The following SPATC1 variants were observed in gnomAD, a reference collection of about 807,000 sequenced individuals.
SPATC1 encodes speriolin.
In SPATC1, 35 loss-of-function variants were observed where a neutral mutation model predicts 36.5. That is an observed-to-expected ratio of 0.96 (90% CI 0.73 to 1.27). The LOEUF (loss-of-function observed/expected upper bound fraction) is 1.27. SPATC1 is among the 50% of genes most tolerant of loss of function. The pLI is 0.00. For synonymous variants in SPATC1, 361 were observed against 353.6 expected, an observed-to-expected ratio of 1.02 and a Z score of -0.24; for missense variants, 779 against 796.0, an observed-to-expected ratio of 0.98 and a Z score of 0.26.
At chr8:144,033,760 G>C (rs1834844084) in intron 1 of SPATC1, among the ~76,000 whole-genome samples, 1 of 152,196 alleles carries the variant, frequency 6.6e-6, no homozygotes, top group Admixed American at 6.5e-5. Flanking sequence ...TGTCTCCAGA[G>C]CCTCATGTGG....
At chr8:144,037,188 G>C (rs1403519246) in intron 1 of SPATC1, among the ~76,000 whole-genome samples, 16 of 141,404 alleles carry the variant, frequency 1.1e-4, no homozygotes, top group African/African-American at 4.2e-4. Flanking sequence ...CGTCCGGGAG[G>C]GAGGTGGGGG....
In SPATC1 at chr8:144,040,888, C is replaced by T; in HGVS notation, c.1087C>T (p.His363Tyr). ...CACCCACATCGCCCAGGGTGCCCCCCATCCCCCTTCCCGAATGCATAATTC... is the reference window on the plus strand; with the variant it reads ...CACCCACATCGCCCAGGGTGCCCCCTATCCCCCTTCCCGAATGCATAATTC... ...STTHIAQGAP[H>Y]PPSRMHNSPT... The change falls in exon 3 of 5, where the codon CAT (histidine) becomes TAT (tyrosine). Residue 363 changes from histidine (H) to tyrosine (Y), a missense_variant. His to Tyr is a moderately conservative substitution (Grantham distance 83). Coordinates refer to ENST00000377470, the MANE Select transcript of SPATC1 (RefSeq NM_198572.3). 1 of 1,589,438 alleles carries T rather than the reference C, an allele frequency of 6.3e-7. No homozygotes were observed. The highest frequency in any genetic ancestry group is 8.6e-7 in the Non-Finnish European group (1 of 1,166,262).
chr8:144,037,935 C>T (rs1219974219), intron 1 of SPATC1, among the ~76,000 whole-genome samples: 24 of 151,892 alleles, frequency 1.6e-4, no homozygotes, highest in African/African-American at 5.6e-4. Flanking sequence ...CAAGACCATC[C>T]TGGCTAACAC....
intron 1 of SPATC1, among the ~76,000 whole-genome samples, chr8:144,018,256 T>C (rs929345383): frequency 4.6e-5 from 7 of 152,306 alleles, no homozygotes; most frequent in Non-Finnish European, 7.4e-5. Context: ...ATTCATGACA[T>C]TGGCATTCGT....
At chr8:144,042,514 G>T (rs1382498141) in intron 4 of SPATC1, among the ~76,000 whole-genome samples, 1 of 151,256 alleles carries the variant, frequency 6.6e-6, no homozygotes, top group African/African-American at 2.4e-5. Flanking sequence ...TAGAGACGGG[G>T]TTTCTCCATG....
intron 1 of SPATC1, among the ~76,000 whole-genome samples, chr8:144,028,515 A>G (rs1183868600): frequency 6.6e-6 from 1 of 152,212 alleles, no homozygotes; most frequent in Non-Finnish European, 1.5e-5. Context: ...ACCATCTCAC[A>G]CCAGTCACAA....
chr8:144,039,469 G>A (rs1166688945), intron 1 of SPATC1, among the ~76,000 whole-genome samples: 2 of 152,220 alleles, frequency 1.3e-5, no homozygotes, highest in Non-Finnish European at 2.9e-5. Flanking sequence ...CAGGAGGCCT[G>A]GGCCCTCTTC....
At position 144,046,217 on chromosome 8, in the gene SPATC1, A is replaced by C. The variant is rs1233341351; in HGVS notation, c.1447-410A>C. On this transcript the variant is annotated intron_variant, in intron 4 of 4. Coordinates refer to ENST00000377470, the MANE Select transcript of SPATC1 (RefSeq NM_198572.3). The surrounding 1 kb of genome is among the most constrained non-coding windows in gnomAD (Gnocchi z 6.6). Reference sequence around the variant, plus strand: ...GGGAGCAGAGCACGGAGCCAGGAGGAGGCCTGGGAAAGACCCCAGACTCCT... The same window carrying C: ...GGGAGCAGAGCACGGAGCCAGGAGGCGGCCTGGGAAAGACCCCAGACTCCT... Among the ~76,000 whole-genome samples the C allele has an allele frequency of 1.3e-5, 2 of 152,076 alleles. No individual in the cohort carries two copies. The highest frequency in any genetic ancestry group is 2.4e-5 in the African/African-American group (1 of 41,394).
At chr8:144,029,548 C>T (rs1384483935) in intron 1 of SPATC1, among the ~76,000 whole-genome samples, 1 of 152,092 alleles carries the variant, frequency 6.6e-6, no homozygotes, top group African/African-American at 2.4e-5. Context: ...GCCTGGGTGA[C>T]AAGAGCAAAA....
rs1554752592 is a variant in SPATC1, at chr8:144,012,511, A to T, written c.-5A>T. Reference sequence around the variant, plus strand: ...TGGGCCGCACCCTTGCCACTGCCCCAGGGCATGTCTCTACTCACCAATTAT... The same window carrying T: ...TGGGCCGCACCCTTGCCACTGCCCCTGGGCATGTCTCTACTCACCAATTAT... On this transcript the variant is annotated 5_prime_UTR_variant, in exon 1 of 5. Transcript: ENST00000377470. 1.9e-6 allele frequency: 3 copies of T among 1,551,642 alleles called. No individual in the cohort carries two copies. The highest frequency in any genetic ancestry group is 3.9e-5 in the Admixed American group (2 of 51,014).
At position 144,016,635 on chromosome 8, in the gene SPATC1, G is replaced by A. The variant is rs1426527838; in HGVS notation, c.211+3909G>A. Reference sequence around the variant, plus strand: ...TGTTTGTTTGTTTGTTTTTTTGTTTGTTTGTTTTTGAGACAGAGTGTCGAA... The same window carrying A: ...TGTTTGTTTGTTTGTTTTTTTGTTTATTTGTTTTTGAGACAGAGTGTCGAA... On this transcript the variant is annotated intron_variant, in intron 1 of 4. Coordinates refer to ENST00000377470, the MANE Select transcript of SPATC1 (RefSeq NM_198572.3). This position sits in a 1 kb window ranked among gnomAD's most constrained non-coding sequence, Gnocchi z 4.5. 2.0e-5 allele frequency among the ~76,000 whole-genome samples: 3 copies of A among 152,004 alleles called. No individual in the cohort carries two copies. Among genetic ancestry groups the A allele is most frequent in the African/African-American group, 7.2e-5 (3 of 41,386 alleles).
upstream of SPATC1, among the ~76,000 whole-genome samples, chr8:144,011,175 C>T (rs59219432): frequency 0.012 from 1,817 of 152,154 alleles, 41 homozygotes; most frequent in African/African-American, 0.041. This position sits in a 1 kb window ranked among gnomAD's most constrained non-coding sequence, Gnocchi z 4.5. Flanking sequence ...CTGCATCAAC[C>T]CAAGAGGCTA....
chr8:144,034,882 A>C (rs1834867688), intron 1 of SPATC1, among the ~76,000 whole-genome samples: 1 of 152,008 alleles, frequency 6.6e-6, no homozygotes, highest in Non-Finnish European at 1.5e-5. Context: ...CGGCCTCCCA[A>C]AGTGCTGGGA....
intron 1 of SPATC1, among the ~76,000 whole-genome samples, chr8:144,032,371 G>A (rs1471187227): frequency 3.9e-5 from 6 of 152,168 alleles, no homozygotes; most frequent in African/African-American, 4.8e-5. Flanking sequence ...TCCGCCTTTC[G>A]GGTTCACACC....
intron 4 of SPATC1, among the ~76,000 whole-genome samples, chr8:144,044,077 C>G (rs1835189842): frequency 6.6e-6 from 1 of 152,212 alleles, no homozygotes; most frequent in Non-Finnish European, 1.5e-5. Context: ...CTCACTCACT[C>G]CTGACTAGTA....
At chr8:144,041,726 G>C (rs880003448) in intron 4 of SPATC1, among the ~76,000 whole-genome samples, 1 of 152,164 alleles carries the variant, frequency 6.6e-6, no homozygotes, top group Non-Finnish European at 1.5e-5. Context: ...GGGGAAGCTC[G>C]GTTGGGGGTG....
intron 1 of SPATC1, among the ~76,000 whole-genome samples, chr8:144,034,375 C>T (rs946619078): frequency 2.6e-3 from 388 of 151,308 alleles, no homozygotes; most frequent in African/African-American, 9.1e-3. Flanking sequence ...GTGGCCCCTC[C>T]TGGTCTCAAG....
intron 1 of SPATC1, among the ~76,000 whole-genome samples, chr8:144,015,355 G>C (rs1834363470): frequency 6.6e-6 from 1 of 151,340 alleles, no homozygotes; most frequent in Non-Finnish European, 1.5e-5. Context: ...CCAGCACAGG[G>C]AGCAGTACTG....
chr8:144,012,828 C>A, intron 1 of SPATC1, 102 bp downstream of exon 1: 2 of 1,242,528 alleles, frequency 1.6e-6, no homozygotes, highest in Admixed American at 2.0e-5. Flanking sequence ...GGAGGGAGTG[C>A]CCTTCTCCTT....
Sources: gnomAD v4.1 joint callset for allele counts (sites outside exome capture counted in the v4.1 genomes callset) on GRCh38, gnomAD v4.1.1 for gene constraint, Gnocchi (gnomAD v3.1) non-coding constraint, MANE v1.5 for transcripts, NCBI Gene and HGNC (gene_info 2026-07-23, HGNC 2026-07-21) for gene names.